The following ALKBH6 variants were observed in gnomAD, a reference collection of about 807,000 sequenced individuals.
ALKBH6 encodes the protein probable RNA/DNA demethylase ALKBH6.
ALKBH6 carries 20 observed loss-of-function variants against 25.1 expected under a neutral mutation model. The observed-to-expected ratio is 0.80, with a 90% CI of 0.56 to 1.16. The LOEUF (loss-of-function observed/expected upper bound fraction) is 1.16, where lower values mean the gene tolerates loss of function less well. Among genes scored for constraint, ALKBH6 ranks in the 50% most tolerant of loss-of-function variants. The pLI, the probability that ALKBH6 is intolerant of heterozygous loss-of-function variation, is 0.00. For synonymous variants in ALKBH6, 156 were observed against 147.5 expected (o/e 1.06, Z -0.42); for missense variants, 263 against 326.5 (o/e 0.81, Z 1.50).
chr19:36,012,987 G>A, intron 3 of ALKBH6, 34 bp downstream of exon 3: 1 of 1,584,800 alleles, frequency 6.3e-7, no homozygotes, highest in Non-Finnish European at 8.7e-7. Context: ...TATGGGAAGA[G>A]TGGGAAAACA....
rs1237575865 is a variant in ALKBH6 at position 36,010,321 on chromosome 19, C to T, written c.453+246G>A. ...AGGATATCAGTGTCTGCTGGGGAGTCAGGGGTATCCATTCAGCAGGTTGGG... is the reference window on the plus strand; with the variant it reads ...AGGATATCAGTGTCTGCTGGGGAGTTAGGGGTATCCATTCAGCAGGTTGGG... On this transcript the variant is annotated intron_variant, in intron 6 of 6. Coordinates refer to ENST00000378875, the MANE Select transcript of ALKBH6 (RefSeq NM_032878.5). The surrounding 1 kb of genome is among the most constrained non-coding windows in gnomAD (Gnocchi z 5.5). 3.8e-6 allele frequency: 2 copies of T among 519,564 alleles called. No individual in the cohort carries two copies. Among genetic ancestry groups the T allele is most frequent in the South Asian group, 2.3e-5 (1 of 43,698 alleles). The allele number at this position is 519,564 out of a possible 1,614,324, so 32.2% of individuals were successfully genotyped here.
chr19:36,012,428 T>G (rs1238418179), intron 3 of ALKBH6: 1 of 153,354 alleles, frequency 6.5e-6, no homozygotes, highest in Non-Finnish European at 1.5e-5. Context: ...GCCCAGGAAT[T>G]CTATAATATG....
chr19:36,010,446 CA>C lies in ALKBH6; in HGVS notation c.453+120del. On this transcript the variant is annotated intron_variant, in intron 6 of 6. Coordinates refer to ENST00000378875, the MANE Select transcript of ALKBH6 (RefSeq NM_032878.5). The surrounding 1 kb of genome is among the most constrained non-coding windows in gnomAD (Gnocchi z 5.5). ...GAAGTGGGTACACCCCATGAGGGGA[CA>C]AGGGAAGGTATCTGGGAGAGTGCCA... 1.2e-6 allele frequency: 1 copy of C among 858,350 alleles called. No individual in the cohort carries two copies. Among genetic ancestry groups the C allele is most frequent in the Non-Finnish European group, 1.9e-6 (1 of 527,604 alleles). 53.2% of individuals were successfully genotyped at this position (858,350 alleles called of 1,614,324 possible).
chr19:36,011,376 A>C (rs759265857), intron 4 of ALKBH6, 28 bp downstream of exon 4: 3 of 1,608,618 alleles, frequency 1.9e-6, no homozygotes, highest in Non-Finnish European at 1.7e-6. Flanking sequence ...TCCCAGAATC[A>C]CTCCTGCCCC....
In ALKBH6 at chr19:36,011,541, C is replaced by T. The variant is rs1968612642; in HGVS notation, c.124-77G>A. On this transcript the variant is annotated intron_variant, in intron 3 of 6. Transcript: ENST00000378875. ...CCTCCCACCTAGACCAACATAGGGG[C>T]CTTTACCTCCGGGATGGAAATGGGT... is the stretch of plus-strand genomic sequence containing the variant. 7.4e-6 allele frequency: 11 copies of T among 1,483,256 alleles called. No individual in the cohort carries two copies. In the East Asian group the frequency reaches 2.3e-4, roughly 31 times the overall value. 91.9% of individuals were successfully genotyped at this position (1,483,256 alleles called of 1,614,324 possible).
Position 36,010,453 on chromosome 19 carries a change from A to G in ALKBH6, c.453+114T>C. ...GTACACCCCATGAGGGGACAAGGGA[A>G]GGTATCTGGGAGAGTGCCAGGAGTA... On this transcript the variant is annotated intron_variant, in intron 6 of 6. Coordinates refer to ENST00000378875, the MANE Select transcript of ALKBH6 (RefSeq NM_032878.5). The surrounding 1 kb of genome is among the most constrained non-coding windows in gnomAD (Gnocchi z 5.5). 1 of 885,628 alleles carries G rather than the reference A, an allele frequency of 1.1e-6. No individual in the cohort carries two copies. The highest frequency in any genetic ancestry group is 1.8e-6 in the Non-Finnish European group (1 of 550,694). 54.9% of individuals were successfully genotyped at this position (885,628 alleles called of 1,614,324 possible).
chr19:36,009,282 C>A lies in ALKBH6; in HGVS notation c.*8G>T. The A allele has an allele frequency of 7.4e-7, 1 of 1,343,216 alleles. No individual in the cohort carries two copies. The highest frequency in any genetic ancestry group is 1.8e-5 in the South Asian group (1 of 54,870). The allele number at this position is 1,343,216 out of a possible 1,614,324, so 83.2% of individuals were successfully genotyped here. A position where few individuals can be genotyped will look rare whatever the true frequency, so the allele number is the denominator to read the frequency against. ...ACCTGGGAATCCGAGGGGTCCCGGC[C>A]CTGGCGGTCACTTGCCCAGCAGGAG... On this transcript the variant is annotated 3_prime_UTR_variant, in exon 7 of 7. Coordinates refer to ENST00000378875, the MANE Select transcript of ALKBH6 (RefSeq NM_032878.5).
At position 36,013,831 on chromosome 19, in the gene ALKBH6, C is replaced by A; in HGVS notation, c.-26+344G>T. The A allele has an allele frequency of 6.9e-6, 9 of 1,296,684 alleles. No individual in the cohort carries two copies. Among genetic ancestry groups the A allele is most frequent in the Non-Finnish European group, 8.8e-6 (9 of 1,023,142 alleles). 80.3% of individuals were successfully genotyped at this position (1,296,684 alleles called of 1,614,324 possible). A position where few individuals can be genotyped will look rare whatever the true frequency, so the allele number is the denominator to read the frequency against. Reference sequence around the variant, plus strand: ...GCAACTGTGAGCCCGGCTATCAACACTCAGCGACCCCCGCCCCCCACCGAA... The same window carrying A: ...GCAACTGTGAGCCCGGCTATCAACAATCAGCGACCCCCGCCCCCCACCGAA... On this transcript the variant is annotated intron_variant, in intron 1 of 6. Coordinates refer to ENST00000378875, the MANE Select transcript of ALKBH6 (RefSeq NM_032878.5). The surrounding 1 kb of genome is among the most constrained non-coding windows in gnomAD (Gnocchi z 4.6).
intron 4 of ALKBH6, 152 bp from the exon 5 acceptor site, chr19:36,011,197 C>T (rs1328550847): frequency 2.5e-6 from 3 of 1,197,130 alleles, no homozygotes; most frequent in Non-Finnish European, 3.5e-6. Flanking sequence ...CTCACTTCTC[C>T]AGACCACAGG....
chr19:36,009,330 A>G lies in ALKBH6; in HGVS notation c.677T>C (p.Val226Ala). ...GTRVSLTIRRVPRVLRAGLLL... is the reference protein window; with the variant it reads ...GTRVSLTIRRAPRVLRAGLLL... ...GAGGCCGGCGCGCAGCACGCGGGGCACGCGGCGGATGGTCAGCGAGACCCG... is the reference window on the plus strand; with the variant it reads ...GAGGCCGGCGCGCAGCACGCGGGGCGCGCGGCGGATGGTCAGCGAGACCCG... The change falls in exon 7 of 7, where the codon GTG becomes GCG. Residue 226 changes from valine to alanine, a missense_variant. Coordinates refer to ENST00000378875, the MANE Select transcript of ALKBH6 (RefSeq NM_032878.5). The G allele has an allele frequency of 7.4e-7, 1 of 1,354,310 alleles. No homozygotes were observed. The highest frequency in any genetic ancestry group is 9.5e-7 in the Non-Finnish European group (1 of 1,050,934). 83.9% of individuals were successfully genotyped at this position (1,354,310 alleles called of 1,614,324 possible).
chr19:36,010,264 G>A lies in ALKBH6; in HGVS notation c.453+303C>T. On this transcript the variant is annotated intron_variant, in intron 6 of 6. Coordinates refer to ENST00000378875, the MANE Select transcript of ALKBH6 (RefSeq NM_032878.5). The surrounding 1 kb of genome is among the most constrained non-coding windows in gnomAD (Gnocchi z 5.5). The stretch of plus-strand genomic sequence containing the variant: ...AGATAGAGCATCTGGGAGGAGGTGA[G>A]GCCCCCCGAGTTAATGGCGGTGGGG... 1 of 350,050 alleles carries A rather than the reference G, an allele frequency of 2.9e-6. No homozygotes were observed. The highest frequency in any genetic ancestry group is 3.9e-5 in the South Asian group (1 of 25,778). The allele number at this position is 350,050 out of a possible 1,614,324, so 21.7% of individuals were successfully genotyped here. A position where few individuals can be genotyped will look rare whatever the true frequency, so the allele number is the denominator to read the frequency against.
Position 36,014,186 on chromosome 19 carries a change from G to C in ALKBH6, c.-37C>G. The C allele has an allele frequency of 2.5e-6, 4 of 1,609,830 alleles. No individual in the cohort carries two copies. The highest frequency in any genetic ancestry group is 2.5e-6 in the Non-Finnish European group (3 of 1,177,984). On this transcript the variant is annotated 5_prime_UTR_variant, in exon 1 of 7. Transcript: ENST00000378875. ...TCCCCAAAACTGACCGTCCACCAGC[G>C]TCCCCTCCAATTTCCAAATTCAACA...
Position 36,013,488 on chromosome 19 carries a change from C to T in ALKBH6, c.-25-66G>A, listed in dbSNP as rs1287080116. ...CGCCCTAACACCATGATGCAGCATT[C>T]CACCCCATCACAGGCCAGGCCTCAC... is the stretch of plus-strand genomic sequence containing the variant. On this transcript the variant is annotated intron_variant, in intron 1 of 6. Coordinates refer to ENST00000378875, the MANE Select transcript of ALKBH6 (RefSeq NM_032878.5). The surrounding 1 kb of genome is among the most constrained non-coding windows in gnomAD (Gnocchi z 4.6). The T allele has an allele frequency of 6.2e-7, 1 of 1,600,620 alleles. No homozygotes were observed. The highest frequency in any genetic ancestry group is 8.5e-7 in the Non-Finnish European group (1 of 1,172,912).
intron 3 of ALKBH6, 200 bp downstream of exon 3, chr19:36,012,821 C>T (rs1221523625): frequency 1.7e-5 from 10 of 591,958 alleles, no homozygotes; most frequent in Admixed American, 8.9e-5. Context: ...ACTGGGCTAT[C>T]TCAGCCTATG....
At chr19:36,009,773 A>T (rs1394300636) in intron 6 of ALKBH6, among the ~76,000 whole-genome samples, 1 of 102,716 alleles carries the variant, frequency 9.7e-6, no homozygotes, top group African/African-American at 3.9e-5. Context: ...GTCCCTCGGG[A>T]GGGGGCAGGA....
chr19:36,013,726 TTTCTCAA>T lies in ALKBH6; in HGVS notation c.-25-311_-25-305del. The T allele has an allele frequency of 8.0e-7, 1 of 1,243,072 alleles. No homozygotes were observed. The allele number at this position is 1,243,072 out of a possible 1,614,324, so 77.0% of individuals were successfully genotyped here. A position where few individuals can be genotyped will look rare whatever the true frequency, so the allele number is the denominator to read the frequency against. On this transcript the variant is annotated intron_variant, in intron 1 of 6. Transcript: ENST00000378875. The surrounding 1 kb of genome is among the most constrained non-coding windows in gnomAD (Gnocchi z 4.6). ...TCTCTGGCCCCACACACAGGGAGCC[TTTCTCAA>T]AAGCTCTACACATAGCCCCCAGGGC...
intron 4 of ALKBH6, 122 bp from the exon 5 acceptor site, chr19:36,011,167 C>T: frequency 7.3e-7 from 1 of 1,367,860 alleles, no homozygotes; most frequent in Non-Finnish European, 9.9e-7. Flanking sequence ...GAGATAGCCA[C>T]TGGGTCCTTC....
chr19:36,013,844 G>GC lies in ALKBH6; in HGVS notation c.-26+330dup. ...CGGCTATCAACACTCAGCGACCCCC[G>GC]CCCCCCACCGAATCCCATTCTGTGC... On this transcript the variant is annotated intron_variant, in intron 1 of 6. Transcript: ENST00000378875. This position sits in a 1 kb window ranked among gnomAD's most constrained non-coding sequence, Gnocchi z 4.6. 3.2e-6 allele frequency: 4 copies of GC among 1,234,722 alleles called. No homozygotes were observed. The highest frequency in any genetic ancestry group is 2.2e-5 in the South Asian group (1 of 44,566). The allele number at this position is 1,234,722 out of a possible 1,614,324, so 76.5% of individuals were successfully genotyped here. A position where few individuals can be genotyped will look rare whatever the true frequency, so the allele number is the denominator to read the frequency against.
Position 36,011,488 on chromosome 19 carries a change from T to G in ALKBH6, c.124-24A>C, listed in dbSNP as rs1968611017. The G allele has an allele frequency of 3.1e-6, 5 of 1,613,074 alleles. No individual in the cohort carries two copies. The African/African-American group carries it at 6.7e-5, about 22-fold the overall frequency. ...ACCTAAGAGGTGGGAAGGGGGTCAC[T>G]CCTTTCTCAGGATCACCCCTCTATG... On this transcript the variant is annotated intron_variant, in intron 3 of 6. Transcript: ENST00000378875.
Sources: allele counts gnomAD v4.1 joint callset (sites outside exome capture counted in the v4.1 genomes callset), GRCh38; gene constraint gnomAD v4.1.1; non-coding constraint Gnocchi (gnomAD v3.1); transcripts MANE v1.5; gene names NCBI Gene and HGNC (gene_info 2026-07-23, HGNC 2026-07-21).